Variants in RP1 observed in about 807,000 individuals in gnomAD.
RP1 encodes oxygen-regulated protein 1.
Under a neutral mutation model 14.8 loss-of-function variants are expected in RP1, and 16 were observed. The observed-to-expected ratio is 1.08, with a 90% CI of 0.73 to 1.65. The LOEUF is 1.65. RP1 is among the 40% of genes most tolerant of loss of function. The probability of loss-of-function intolerance (pLI) is 0.00; values close to 1 mark genes in which losing one functional copy is unlikely to be tolerated. For missense variants in RP1, 2,631 were observed against 2,535.0 expected (o/e 1.04, Z -0.81); for synonymous variants, 876 against 883.6 (o/e 0.99, Z 0.15).
chr8:54,769,717 T>TTCTC (rs755748543), intron 22 of RP1: 10 of 1,409,610 alleles, frequency 7.1e-6, no homozygotes, highest in East Asian at 5.0e-5. Flanking sequence ...CTCTCTTTCT[T>TTCTC]TCTCTCTCTC....
intron 28 of RP1, among the ~76,000 whole-genome samples, chr8:54,869,221 C>T (rs1296147613): frequency 1.3e-5 from 2 of 152,094 alleles, no homozygotes; most frequent in African/African-American, 2.4e-5. Context: ...TAGAACTGTA[C>T]TGTCTCACAT....
At chr8:54,760,113 G>T (rs987242447) in intron 22 of RP1, among the ~76,000 whole-genome samples, 1 of 152,190 alleles carries the variant, frequency 6.6e-6, no homozygotes, top group Admixed American at 6.5e-5. Context: ...AAACACCCAA[G>T]ATGATTGGAG....
At chr8:54,646,288 CCTT>C (rs1370752021) in intron 3 of RP1, among the ~76,000 whole-genome samples, 2 of 151,786 alleles carry the variant, frequency 1.3e-5, no homozygotes, top group African/African-American at 2.4e-5. Flanking sequence ...CCTACTCTCT[CCTT>C]CTCCTCCCCC....
intron 23 of RP1, among the ~76,000 whole-genome samples, chr8:54,779,144 C>A (rs1474412468): frequency 6.6e-6 from 1 of 152,092 alleles, no homozygotes. Context: ...GGCTCTTGGT[C>A]TTTTTAGGCT....
intron 24 of RP1, among the ~76,000 whole-genome samples, chr8:54,829,298 A>C (rs1811463953): frequency 6.6e-6 from 1 of 152,228 alleles, no homozygotes; most frequent in South Asian, 2.1e-4. Context: ...CCAATGGCTA[A>C]TGCCATATGC....
chr8:54,624,175 C>T (rs1805958089), intron 3 of RP1, among the ~76,000 whole-genome samples: 1 of 152,078 alleles, frequency 6.6e-6, no homozygotes, highest in African/African-American at 2.4e-5. Flanking sequence ...AGCGTGGTGG[C>T]TCAAGCCTGT....
chr8:54,692,802 G>A (rs1807747340), intron 12 of RP1, among the ~76,000 whole-genome samples: 2 of 151,500 alleles, frequency 1.3e-5, no homozygotes, highest in South Asian at 2.1e-4. Flanking sequence ...CTTTTGCTGT[G>A]CAGAAGCTCT....
rs566877505 is a variant in RP1 at position 54,707,395 on chromosome 8, T to A, written c.2211+740T>A. ...GCCTTGGCCTCCCAAAGTGCTGGAA[T>A]TATAGGCCTAAGACACTGTGCCCAG... On this transcript the variant is annotated intron_variant, in intron 15 of 22. Transcript: ENST00000636932. Among the ~76,000 whole-genome samples the A allele has an allele frequency of 2.6e-5, 4 of 152,264 alleles. No individual in the cohort carries two copies. In the South Asian group the frequency reaches 8.3e-4, roughly 32 times the overall value.
intron 26 of RP1, among the ~76,000 whole-genome samples, chr8:54,853,199 T>C (rs1339307684): frequency 6.6e-6 from 1 of 152,146 alleles, no homozygotes; most frequent in African/African-American, 2.4e-5. Flanking sequence ...GAGTCTGAGA[T>C]GCTGTTCAGA....
chr8:54,643,141 A>T (rs541875607), intron 3 of RP1, among the ~76,000 whole-genome samples: 7 of 152,184 alleles, frequency 4.6e-5, no homozygotes, highest in Non-Finnish European at 1.0e-4. Flanking sequence ...TGGCAGTTTA[A>T]AACAATTTTA....
intron 12 of RP1, among the ~76,000 whole-genome samples, chr8:54,694,440 A>G (rs1317084969): frequency 6.6e-6 from 1 of 152,146 alleles, no homozygotes; most frequent in East Asian, 1.9e-4. Context: ...CTGTGAATCC[A>G]TCTGATCCTG....
chr8:54,827,330 AT>A (rs111615579), intron 24 of RP1, among the ~76,000 whole-genome samples: 546 of 145,818 alleles, frequency 3.7e-3, no homozygotes, highest in Middle Eastern at 7.4e-3. Context: ...TTTATAGTGT[AT>A]TTTTTTTTTT....
intron 24 of RP1, among the ~76,000 whole-genome samples, chr8:54,786,597 T>C (rs528488388): frequency 1.3e-5 from 2 of 152,238 alleles, no homozygotes; most frequent in African/African-American, 4.8e-5. Flanking sequence ...TTTCATTGAA[T>C]ACATGCTCCT....
Position 54,629,525 on chromosome 8 carries a change from C to G in RP1, c.5643C>G (p.Val1881=). The G allele has an allele frequency of 1.9e-6, 3 of 1,614,076 alleles. No homozygotes were observed. The South Asian group carries it at 3.3e-5, about 18-fold the overall frequency. ...CTGCTGGTAACAAAGTCTACCCTGTCTCTGATGATGCTATTAAAAACCAAC... is the reference window on the plus strand; with the variant it reads ...CTGCTGGTAACAAAGTCTACCCTGTGTCTGATGATGCTATTAAAAACCAAC... The part of the protein sequence containing the change: ...FISAGNKVYP[V]SDDAIKNQPL... The change falls in exon 4 of 4, where the codon GTC becomes GTG. Residue 1881 remains valine, a synonymous_variant. Coordinates refer to ENST00000220676, the MANE Select transcript of RP1 (RefSeq NM_006269.2).
At chr8:54,608,833 G>A (rs1211138431) in intron 1 of RP1, among the ~76,000 whole-genome samples, 2 of 152,170 alleles carry the variant, frequency 1.3e-5, no homozygotes, top group Non-Finnish European at 2.9e-5. Context: ...TTAGTAAAGT[G>A]TATTTGGGCT....
chr8:54,680,331 AG>A (rs1306289168), intron 12 of RP1, among the ~76,000 whole-genome samples: 2 of 152,218 alleles, frequency 1.3e-5, no homozygotes, highest in Non-Finnish European at 2.9e-5. Flanking sequence ...AAATGTACAA[AG>A]GAAAAACAAG....
chr8:54,630,832 C>G lies in RP1; in HGVS notation c.*479C>G, dbSNP rs1243954295. 1 of 996,144 alleles carries G rather than the reference C, an allele frequency of 1.0e-6. No individual in the cohort carries two copies. 61.7% of individuals were successfully genotyped at this position (996,144 alleles called of 1,614,324 possible). A position where few individuals can be genotyped will look rare whatever the true frequency, so the allele number is the denominator to read the frequency against. On this transcript the variant is annotated 3_prime_UTR_variant, in exon 4 of 4. Transcript: ENST00000220676. ...GATATCCACGACAATCTCATAGTTTCTTGTGCCAAATATGTTGAGTCCAGT... is the reference window on the plus strand; with the variant it reads ...GATATCCACGACAATCTCATAGTTTGTTGTGCCAAATATGTTGAGTCCAGT...
downstream of RP1, among the ~76,000 whole-genome samples, chr8:54,631,799 A>T (rs1806250875): frequency 6.6e-6 from 1 of 151,840 alleles, no homozygotes; most frequent in African/African-American, 2.4e-5. Flanking sequence ...TGCGCTGGGC[A>T]TCCTACATTT....
At chr8:54,795,047 A>T (rs1201967323) in intron 24 of RP1, among the ~76,000 whole-genome samples, 1 of 152,016 alleles carries the variant, frequency 6.6e-6, no homozygotes. Context: ...GAGATACCAC[A>T]TCTAACCTGT....
Sources: gnomAD v4.1 joint callset for allele counts (sites outside exome capture counted in the v4.1 genomes callset) on GRCh38, gnomAD v4.1.1 for gene constraint, MANE v1.5 for transcripts, NCBI Gene and HGNC (gene_info 2026-07-23, HGNC 2026-07-21) for gene names.